Variants in CWH43 observed in about 807,000 individuals in gnomAD.
CWH43 encodes cell wall biogenesis 43 C-terminal homolog, also known as PGAP2-interacting protein.
A neutral mutation model predicts 85.7 loss-of-function variants in CWH43; 91 were observed. The ratio of observed to expected loss-of-function variants is 1.06; its 90% confidence interval spans 0.90 to 1.26. The LOEUF is 1.26. CWH43 is among the 50% of genes most tolerant of loss of function. The pLI is 0.00. For synonymous variants in CWH43, 323 were observed against 293.6 expected (o/e 1.10, Z -1.02); for missense variants, 869 against 839.2 (o/e 1.04, Z -0.44).
chr4:49,039,762 T>A (rs1784398441), intron 13 of CWH43, among the ~76,000 whole-genome samples: 1 of 151,986 alleles, frequency 6.6e-6, no homozygotes, highest in Non-Finnish European at 1.5e-5. Context: ...ATTATTATTA[T>A]ACTTTAAGTT....
At chr4:49,002,008 G>T (rs1049039323) in intron 6 of CWH43, among the ~76,000 whole-genome samples, 8 of 152,090 alleles carry the variant, frequency 5.3e-5, no homozygotes, top group Non-Finnish European at 1.0e-4. Context: ...AATTAAAGAT[G>T]AAATTTTGGC....
At position 49,007,718 on chromosome 4, in the gene CWH43, A is replaced by T. The variant is rs1186750873; in HGVS notation, c.1186+392A>T. Among the ~76,000 whole-genome samples the T allele has an allele frequency of 2.8e-4, 43 of 151,678 alleles. 1 individual carries two copies. Among genetic ancestry groups the T allele is most frequent in the Admixed American group, 2.8e-3 (42 of 15,190 alleles). ...TTAATTCCCACCTATGAGTGAGAAC[A>T]TGTGGTGTTTGGTTTGTTGTCCTTG... On this transcript the variant is annotated intron_variant, in intron 8 of 15. Transcript: ENST00000226432.
chr4:49,058,966 T>C (rs891901724), intron 15 of CWH43, among the ~76,000 whole-genome samples: 1 of 152,178 alleles, frequency 6.6e-6, no homozygotes, highest in African/African-American at 2.4e-5. Flanking sequence ...TTTAATATAT[T>C]TGGGAGTTAT....
intron 11 of CWH43, chr4:49,031,215 G>A (rs1577690137): frequency 5.4e-6 from 2 of 367,376 alleles, no homozygotes; most frequent in South Asian, 8.3e-5. Flanking sequence ...AGCATGTCTG[G>A]CCTGGATGCT....
intron 9 of CWH43, among the ~76,000 whole-genome samples, chr4:49,025,987 G>C (rs1239267701): frequency 6.6e-6 from 1 of 152,116 alleles, no homozygotes; most frequent in Non-Finnish European, 1.5e-5. Context: ...GGTTAGGTGT[G>C]TCTGAGCTCA....
chr4:48,998,498 T>G lies in CWH43; in HGVS notation c.752T>G (p.Leu251Arg), dbSNP rs1264004797. 1 of 1,613,918 alleles carries G rather than the reference T, an allele frequency of 6.2e-7. No individual in the cohort carries two copies. The highest frequency in any genetic ancestry group is 8.5e-7 in the Non-Finnish European group (1 of 1,179,910). ...CTGTGCTTGGCAAGTGGATTGATGCTTCCATCTTGTTTGTGGTTTCGTGGT... is the reference window on the plus strand; with the variant it reads ...CTGTGCTTGGCAAGTGGATTGATGCGTCCATCTTGTTTGTGGTTTCGTGGT... ...VLLCLASGLMLPSCLWFRGTG... is the reference protein window; with the variant it reads ...VLLCLASGLMRPSCLWFRGTG... Residue 251 changes from leucine (L) to arginine (R), a missense_variant, in exon 6 of 16, where the codon CTT becomes CGT. Leu to Arg is a moderately radical substitution (Grantham distance 102). Around this residue, in one of 3 missense-constraint regions of CWH43, gnomAD observed 152 missense variants for 203.6 expected, o/e 0.75. Transcript: ENST00000226432.
chr4:49,018,002 AT>A (rs879322744), intron 9 of CWH43, among the ~76,000 whole-genome samples: 71 of 146,482 alleles, frequency 4.8e-4, no homozygotes, highest in Non-Finnish European at 6.2e-4. Context: ...TGCCCGGCTA[AT>A]TTTTTTTTTT....
chr4:49,024,044 A>G (rs1783829156), intron 9 of CWH43, among the ~76,000 whole-genome samples: 1 of 152,078 alleles, frequency 6.6e-6, no homozygotes, highest in African/African-American at 2.4e-5. Context: ...GTGCATATAT[A>G]TTTAGGGTTG....
At chr4:48,991,184 T>A (rs997416315) in intron 2 of CWH43, among the ~76,000 whole-genome samples, 11 of 152,090 alleles carry the variant, frequency 7.2e-5, no homozygotes, top group African/African-American at 2.7e-4. Flanking sequence ...CTTTTTGGGG[T>A]GATGAAATTG....
At chr4:48,996,468 C>T (rs1479695087) in intron 5 of CWH43, among the ~76,000 whole-genome samples, 1 of 152,170 alleles carries the variant, frequency 6.6e-6, no homozygotes, top group Non-Finnish European at 1.5e-5. Context: ...TACTCTGTGT[C>T]AGGTCCTGAA....
In CWH43 at chr4:48,998,440, G is replaced by C; in HGVS notation, c.714-20G>C. ...AATATTACTAATGTCACATGTCTTA[G>C]AGCATGTCCTTTTTCACAGAGGTGC... is the stretch of plus-strand genomic sequence containing the variant. On this transcript the variant is annotated intron_variant, in intron 5 of 15. Coordinates refer to ENST00000226432, the MANE Select transcript of CWH43 (RefSeq NM_025087.3). The C allele has an allele frequency of 6.4e-7, 1 of 1,561,064 alleles. No homozygotes were observed. Among genetic ancestry groups the C allele is most frequent in the Non-Finnish European group, 8.8e-7 (1 of 1,131,954 alleles).
intron 9 of CWH43, among the ~76,000 whole-genome samples, chr4:49,025,748 C>T (rs1246968149): frequency 9.9e-5 from 15 of 152,240 alleles, no homozygotes; most frequent in Middle Eastern, 6.8e-3. Flanking sequence ...TTGCTCCAGT[C>T]GAGGTAGCAG....
At chr4:49,033,131 A>T (rs967573220) in intron 12 of CWH43, among the ~76,000 whole-genome samples, 3 of 152,194 alleles carry the variant, frequency 2.0e-5, no homozygotes, top group African/African-American at 4.8e-5. Context: ...CAGGGTTACA[A>T]GTGCTTGCAA....
At chr4:48,998,669 G>A in intron 6 of CWH43, 121 bp downstream of exon 6, 1 of 744,428 alleles carries the variant, frequency 1.3e-6, no homozygotes, top group South Asian at 1.5e-5. Flanking sequence ...TGGCCAAATG[G>A]GCTGTTGTAA....
intron 13 of CWH43, among the ~76,000 whole-genome samples, chr4:49,044,380 CAT>C (rs1285998792): frequency 6.6e-6 from 1 of 152,090 alleles, no homozygotes; most frequent in Admixed American, 6.6e-5. Flanking sequence ...AGGATGGAGA[CAT>C]AGAAACAGAT....
At chr4:49,020,226 G>A (rs564658572) in intron 9 of CWH43, among the ~76,000 whole-genome samples, 1 of 151,864 alleles carries the variant, frequency 6.6e-6, no homozygotes, top group Non-Finnish European at 1.5e-5. Context: ...TTACACCTTT[G>A]CATCCTCATA....
chr4:49,037,343 G>A (rs1002050813), intron 12 of CWH43, among the ~76,000 whole-genome samples: 1 of 152,198 alleles, frequency 6.6e-6, no homozygotes, highest in Non-Finnish European at 1.5e-5. Flanking sequence ...AACAAGGTGG[G>A]TGGATTGCTT....
intron 12 of CWH43, among the ~76,000 whole-genome samples, chr4:49,035,436 C>T (rs1276379405): frequency 6.6e-6 from 1 of 152,086 alleles, no homozygotes; most frequent in African/African-American, 2.4e-5. Context: ...CACTAATCAC[C>T]ATTTAAAGAA....
At chr4:49,059,651 G>T (rs1318640398) in intron 15 of CWH43, among the ~76,000 whole-genome samples, 2 of 152,194 alleles carry the variant, frequency 1.3e-5, no homozygotes, top group Non-Finnish European at 2.9e-5. Flanking sequence ...ATCTAGCTGG[G>T]CTCATGGGTG....
Sources: gnomAD v4.1 joint callset for allele counts (sites outside exome capture counted in the v4.1 genomes callset) on GRCh38, gnomAD v4.1.1 for gene constraint, gnomAD v4.1.1 regional missense constraint, MANE v1.5 for transcripts, NCBI Gene and HGNC (gene_info 2026-07-23, HGNC 2026-07-21) for gene names.